Variants in TBXAS1 observed in about 807,000 individuals in gnomAD.
The protein encoded by TBXAS1 is thromboxane A synthase 1.
In TBXAS1, 48 loss-of-function variants were observed where a neutral mutation model predicts 60.7. That is an observed-to-expected ratio of 0.79 (90% CI 0.63 to 1.01). TBXAS1 has a LOEUF of 1.01. Among genes scored for constraint, TBXAS1 ranks in the 50% least tolerant of loss-of-function variants. The pLI is 0.00. For synonymous variants in TBXAS1, 287 were observed against 269.7 expected (o/e 1.06, Z -0.63); for missense variants, 685 against 686.3 (o/e 1.00, Z 0.02).
At chr7:139,918,889 C>T (rs562935580) in intron 4 of TBXAS1, among the ~76,000 whole-genome samples, 18 of 152,250 alleles carry the variant, frequency 1.2e-4, no homozygotes, top group Non-Finnish European at 2.4e-4. Context: ...AATCTATGGC[C>T]ACCTTCTACC....
At chr7:139,842,611 G>A (rs1404447406) in intron 1 of TBXAS1, among the ~76,000 whole-genome samples, 1 of 152,234 alleles carries the variant, frequency 6.6e-6, no homozygotes, top group Non-Finnish European at 1.5e-5. Context: ...CAATTACTAA[G>A]AGCCACATCT....
chr7:139,848,739 G>C (rs1403288795), intron 1 of TBXAS1, among the ~76,000 whole-genome samples: 1 of 152,204 alleles, frequency 6.6e-6, no homozygotes, highest in African/African-American at 2.4e-5. Context: ...CATTCTATTG[G>C]CTAAGCAATC....
chr7:139,973,215 T>C (rs541318948), intron 9 of TBXAS1, among the ~76,000 whole-genome samples: 14 of 152,302 alleles, frequency 9.2e-5, no homozygotes, highest in African/African-American at 3.4e-4. Flanking sequence ...TGAAAGATCA[T>C]GAGGCTGGGC....
rs548750732 is a variant in TBXAS1 at position 140,001,691 on chromosome 7, C to T, written c.1135-5400C>T. On this transcript the variant is annotated intron_variant, in intron 9 of 12. Transcript: ENST00000448866. The stretch of plus-strand genomic sequence containing the variant: ...ATGGGCGTGAGCCACCGTGACTGGC[C>T]GATAAGAATTCTTTTCTAAACATGA... Among the ~76,000 whole-genome samples, 38 of 152,266 alleles carry T rather than the reference C, an allele frequency of 2.5e-4. 1 individual carries two copies. Among genetic ancestry groups the T allele is most frequent in the African/African-American group, 7.9e-4 (33 of 41,558 alleles).
At chr7:139,906,147 C>A in intron 3 of TBXAS1, 1 of 367,980 alleles carries the variant, frequency 2.7e-6, no homozygotes, top group Non-Finnish European at 5.3e-6. Context: ...CCTCCACCTT[C>A]CAGGTTCAAG....
intron 9 of TBXAS1, among the ~76,000 whole-genome samples, chr7:139,990,917 C>T (rs943447827): frequency 6.6e-6 from 1 of 152,142 alleles, no homozygotes; most frequent in Non-Finnish European, 1.5e-5. Context: ...CTTGGAGAAG[C>T]CTCCCGACGG....
chr7:139,840,695 C>T (rs1799374176), intron 1 of TBXAS1, among the ~76,000 whole-genome samples: 4 of 152,112 alleles, frequency 2.6e-5, no homozygotes, highest in Admixed American at 2.6e-4. Flanking sequence ...CTCTGAGGTT[C>T]CAGGGTTGAC....
intron 5 of TBXAS1, among the ~76,000 whole-genome samples, chr7:139,941,888 T>G (rs188092055): frequency 1.3e-5 from 2 of 152,352 alleles, no homozygotes; most frequent in Admixed American, 1.3e-4. Context: ...GTATAAATAA[T>G]GTGATCCCCT....
At chr7:139,985,342 G>A (rs1402888730) in intron 9 of TBXAS1, among the ~76,000 whole-genome samples, 1 of 152,208 alleles carries the variant, frequency 6.6e-6, no homozygotes, top group Non-Finnish European at 1.5e-5. Flanking sequence ...TGTCCCTCTA[G>A]AGGGTGACAT....
At chr7:139,912,629 C>T (rs1175810084) in intron 4 of TBXAS1, among the ~76,000 whole-genome samples, 1 of 152,132 alleles carries the variant, frequency 6.6e-6, no homozygotes, top group African/African-American at 2.4e-5. Context: ...AGGAAAGGGA[C>T]CAGCACAATG....
Position 139,916,116 on chromosome 7 carries a change from C to T in TBXAS1, c.333+4795C>T, listed in dbSNP as rs978957904. 7.2e-5 allele frequency among the ~76,000 whole-genome samples: 11 copies of T among 152,264 alleles called. No homozygotes were observed. The highest frequency in any genetic ancestry group is 3.9e-4 in the East Asian group (2 of 5,186). On this transcript the variant is annotated intron_variant, in intron 4 of 12. Coordinates refer to ENST00000448866, the MANE Select transcript of TBXAS1 (RefSeq NM_001061.7). This position sits in a 1 kb window ranked among gnomAD's most constrained non-coding sequence, Gnocchi z 4.2. ...ATGAGCTCTTCTTTGCTGTCAGGTACGGTACCTAATGAAACCATAGGGCAG... is the reference window on the plus strand; with the variant it reads ...ATGAGCTCTTCTTTGCTGTCAGGTATGGTACCTAATGAAACCATAGGGCAG...
intron 9 of TBXAS1, among the ~76,000 whole-genome samples, chr7:140,003,120 G>A (rs71550698): frequency 0.063 from 7,695 of 122,300 alleles, 257 homozygotes; most frequent in Non-Finnish European, 0.084. Context: ...GCGAAACTCC[G>A]TCTCAAAAAA....
intron 4 of TBXAS1, among the ~76,000 whole-genome samples, chr7:139,787,758 C>G (rs1181750583): frequency 6.6e-6 from 1 of 152,186 alleles, no homozygotes; most frequent in Non-Finnish European, 1.5e-5. Flanking sequence ...CCCCATTTTC[C>G]CTTACCTGGT....
At chr7:139,973,506 G>C (rs1178821514) in intron 9 of TBXAS1, among the ~76,000 whole-genome samples, 2 of 150,810 alleles carry the variant, frequency 1.3e-5, no homozygotes, top group Non-Finnish European at 2.9e-5. Context: ...CAGAAAGTCT[G>C]TTTTGCCCCA....
intron 4 of TBXAS1, among the ~76,000 whole-genome samples, chr7:139,935,670 A>G (rs41732): frequency 0.96 from 145,462 of 152,246 alleles, 69,651 homozygotes; most frequent in Non-Finnish European, 0.99. Flanking sequence ...CAGTTCTCCT[A>G]GCACACGCTT....
rs181463722 is a variant in TBXAS1 at position 139,965,720 on chromosome 7, G to A, written c.1134+3487G>A. ...CTTCCCCTATGTGATAGCTGGTTGT[G>A]GGGGGGAGTCTCTGAAAAATGGGAA... On this transcript the variant is annotated intron_variant, in intron 9 of 12. Coordinates refer to ENST00000448866, the MANE Select transcript of TBXAS1 (RefSeq NM_001061.7). Among the ~76,000 whole-genome samples, 167 of 152,084 alleles carry A rather than the reference G, an allele frequency of 1.1e-3. No homozygotes were observed. In the Middle Eastern group the frequency reaches 0.031, roughly 28 times the overall value.
chr7:139,988,797 G>T (rs1186655067), intron 9 of TBXAS1, among the ~76,000 whole-genome samples: 2 of 152,206 alleles, frequency 1.3e-5, no homozygotes, highest in Non-Finnish European at 2.9e-5. Flanking sequence ...CCAGCCACTT[G>T]AAAATCTGTA....
chr7:139,926,446 C>T (rs1806884285), intron 4 of TBXAS1, among the ~76,000 whole-genome samples: 1 of 152,126 alleles, frequency 6.6e-6, no homozygotes, highest in South Asian at 2.1e-4. Flanking sequence ...CCCATAGTAG[C>T]TGCTAATGAT....
intron 3 of TBXAS1, among the ~76,000 whole-genome samples, chr7:139,910,339 T>C (rs563935020): frequency 3.9e-5 from 6 of 152,242 alleles, no homozygotes; most frequent in African/African-American, 1.4e-4. Flanking sequence ...ATTAATGTCA[T>C]TAAGTATCTG....
Sources: gnomAD v4.1 joint callset for allele counts (sites outside exome capture counted in the v4.1 genomes callset) on GRCh38, gnomAD v4.1.1 for gene constraint, Gnocchi (gnomAD v3.1) non-coding constraint, MANE v1.5 for transcripts, NCBI Gene and HGNC (gene_info 2026-07-23, HGNC 2026-07-21) for gene names.